Variants in CCDC91 observed in about 807,000 individuals in gnomAD.
The protein encoded by CCDC91 is coiled-coil domain containing 91.
A neutral mutation model predicts 63.2 loss-of-function variants in CCDC91; 48 were observed. That is an observed-to-expected ratio of 0.76 (90% CI 0.60 to 0.97). The LOEUF is 0.97. Ranked by LOEUF, CCDC91 falls within the 50% of genes least tolerant of loss-of-function variation. The pLI is 0.00. For synonymous variants in CCDC91, 167 were observed against 165.8 expected (o/e 1.01, Z -0.06); for missense variants, 500 against 494.6 (o/e 1.01, Z -0.10).
At chr12:28,330,772 G>GT (rs1177304170) in intron 6 of CCDC91, among the ~76,000 whole-genome samples, 4 of 152,126 alleles carry the variant, frequency 2.6e-5, no homozygotes, top group Non-Finnish European at 5.9e-5. Context: ...CACTATAGGG[G>GT]TTGCAGCTAG....
chr12:28,367,295 G>C (rs1201854761), intron 7 of CCDC91, among the ~76,000 whole-genome samples: 1 of 152,104 alleles, frequency 6.6e-6, no homozygotes, highest in Non-Finnish European at 1.5e-5. Flanking sequence ...CAAAGTAATA[G>C]ACTGTATGAA....
intron 4 of CCDC91, among the ~76,000 whole-genome samples, chr12:28,306,263 G>A (rs1305899643): frequency 6.6e-6 from 1 of 152,054 alleles, no homozygotes; most frequent in Non-Finnish European, 1.5e-5. Context: ...TATGCTAGCT[G>A]CTGAAGGTAG....
chr12:28,541,296 AAAGT>A lies in CCDC91; in HGVS notation c.1216-7762_1216-7759del, dbSNP rs535460691. 7.4e-4 allele frequency among the ~76,000 whole-genome samples: 108 copies of A among 146,664 alleles called. 1 individual carries two copies. The highest frequency in any genetic ancestry group is 2.6e-3 in the African/African-American group (100 of 39,062). On this transcript the variant is annotated intron_variant, in intron 12 of 12. Coordinates refer to ENST00000536442, the MANE Select transcript of CCDC91 (RefSeq NM_018318.5). ...TATAGGATTATTTGTCATGTAATAT[AAAGT>A]AAGTTTCCATATGTGTGTGCAAAGA...
chr12:28,263,198 C>A (rs1466002505), intron 3 of CCDC91, among the ~76,000 whole-genome samples: 1 of 151,974 alleles, frequency 6.6e-6, no homozygotes, highest in African/African-American at 2.4e-5. Context: ...TACTTCTGTA[C>A]CAGTTGTTTG....
intron 7 of CCDC91, among the ~76,000 whole-genome samples, chr12:28,388,049 A>G (rs1380723863): frequency 6.6e-6 from 1 of 152,004 alleles, no homozygotes; most frequent in Non-Finnish European, 1.5e-5. Flanking sequence ...TCCAGCATCT[A>G]TTATTTTTTG....
chr12:28,265,070 T>G (rs1397805043), intron 3 of CCDC91, among the ~76,000 whole-genome samples: 1 of 152,052 alleles, frequency 6.6e-6, no homozygotes, highest in Non-Finnish European at 1.5e-5. Flanking sequence ...TCAGAAAGTG[T>G]TGTCATGTTG....
intron 8 of CCDC91, among the ~76,000 whole-genome samples, chr12:28,413,132 A>ATAC (rs765288892): frequency 2.0e-5 from 3 of 152,166 alleles, no homozygotes; most frequent in Non-Finnish European, 4.4e-5. Context: ...TTTGTTAAAG[A>ATAC]TACTATATAA....
intron 3 of CCDC91, among the ~76,000 whole-genome samples, chr12:28,286,329 G>T (rs1275794201): frequency 6.6e-6 from 1 of 151,994 alleles, no homozygotes; most frequent in Non-Finnish European, 1.5e-5. Context: ...TAAGCCTAGT[G>T]CCCATTAGTT....
intron 6 of CCDC91, among the ~76,000 whole-genome samples, chr12:28,349,528 T>C (rs1437781258): frequency 2.0e-5 from 3 of 152,204 alleles, no homozygotes; most frequent in Non-Finnish European, 2.9e-5. Flanking sequence ...TAATCTACTA[T>C]TGACATCTTT....
intron 3 of CCDC91, among the ~76,000 whole-genome samples, chr12:28,286,437 T>C (rs1202578441): frequency 6.6e-6 from 1 of 152,182 alleles, no homozygotes; most frequent in Non-Finnish European, 1.5e-5. Flanking sequence ...TAGCTCCCAC[T>C]TATAAGTGAG....
intron 12 of CCDC91, among the ~76,000 whole-genome samples, chr12:28,504,198 A>T (rs1213085058): frequency 1.3e-5 from 2 of 151,918 alleles, no homozygotes; most frequent in Non-Finnish European, 2.9e-5. Context: ...GAATTTAATG[A>T]AATTTGTAAT....
chr12:28,327,709 C>A (rs1941140059), intron 6 of CCDC91, among the ~76,000 whole-genome samples: 1 of 152,096 alleles, frequency 6.6e-6, no homozygotes, highest in Non-Finnish European at 1.5e-5. Context: ...AAACAACGAA[C>A]CTTGGGTATT....
chr12:28,330,199 C>A (rs1592327286), intron 6 of CCDC91, among the ~76,000 whole-genome samples: 2 of 152,270 alleles, frequency 1.3e-5, no homozygotes, highest in South Asian at 4.1e-4. Flanking sequence ...ACACTGTCTT[C>A]CACAATGGTT....
chr12:28,311,703 C>T (rs911732752), intron 6 of CCDC91, among the ~76,000 whole-genome samples: 12 of 151,782 alleles, frequency 7.9e-5, no homozygotes, highest in Middle Eastern at 3.4e-3. Context: ...TAGGGCCATG[C>T]GTGTTTTTTT....
intron 7 of CCDC91, among the ~76,000 whole-genome samples, chr12:28,367,836 G>T (rs1199431379): frequency 6.6e-6 from 1 of 151,768 alleles, no homozygotes; most frequent in Non-Finnish European, 1.5e-5. Context: ...TTTGAATATG[G>T]CAAATTTCCC....
intron 6 of CCDC91, among the ~76,000 whole-genome samples, chr12:28,324,877 C>A (rs1940841486): frequency 6.6e-6 from 1 of 151,640 alleles, no homozygotes; most frequent in Non-Finnish European, 1.5e-5. Context: ...TGATATTTTT[C>A]TTTTGATTGA....
intron 12 of CCDC91, among the ~76,000 whole-genome samples, chr12:28,524,270 G>A (rs1941049234): frequency 6.6e-6 from 1 of 152,048 alleles, no homozygotes; most frequent in South Asian, 2.1e-4. Flanking sequence ...TGTCATAAAT[G>A]GTTTTTATTA....
At chr12:28,392,576 G>C (rs528553811) in intron 8 of CCDC91, among the ~76,000 whole-genome samples, 1 of 152,286 alleles carries the variant, frequency 6.6e-6, no homozygotes, top group East Asian at 1.9e-4. Flanking sequence ...AATCACAATG[G>C]GGCCAGAGAG....
intron 1 of CCDC91, among the ~76,000 whole-genome samples, chr12:28,198,158 T>C (rs1941927218): frequency 6.6e-6 from 1 of 152,196 alleles, no homozygotes; most frequent in African/African-American, 2.4e-5. Flanking sequence ...TTGGCTTTTC[T>C]GTGTCTACCA....
Sources: gnomAD v4.1 joint callset for allele counts (sites outside exome capture counted in the v4.1 genomes callset) on GRCh38, gnomAD v4.1.1 for gene constraint, MANE v1.5 for transcripts, NCBI Gene and HGNC (gene_info 2026-07-23, HGNC 2026-07-21) for gene names.